Variants in FOXP1 observed in about 807,000 individuals in gnomAD.
The protein encoded by FOXP1 is forkhead box P1.
Under a neutral mutation model 98.2 loss-of-function variants are expected in FOXP1, and 15 were observed. That is an observed-to-expected ratio of 0.15 (90% CI 0.10 to 0.24). The LOEUF (loss-of-function observed/expected upper bound fraction) is 0.24. Ranked by LOEUF, FOXP1 falls within the 10% of genes least tolerant of loss-of-function variation. FOXP1 has a pLI of 1.00. For missense variants in FOXP1, 633 were observed against 848.5 expected (o/e 0.75, Z 3.15); for synonymous variants, 371 against 314.5 (o/e 1.18, Z -1.90).
At chr3:70,992,181 G>C (rs540219376) in intron 13 of FOXP1, among the ~76,000 whole-genome samples, 139 of 152,238 alleles carry the variant, frequency 9.1e-4, no homozygotes, top group African/African-American at 3.2e-3. Context: ...TTTTAAATAA[G>C]GACCCCAAGT....
In FOXP1 at chr3:71,342,720, G is replaced by A. The variant is rs558345542; in HGVS notation, c.-73+16430C>T. ...AAAAAGCAAACAGACCTTGATCCAA[G>A]TCTAAAATCTACCTCTTTCTTTTTT... On this transcript the variant is annotated intron_variant, in intron 4 of 20. Coordinates refer to ENST00000649528, the MANE Select transcript of FOXP1 (RefSeq NM_001349338.3). Among the ~76,000 whole-genome samples the A allele has an allele frequency of 2.7e-5, 4 of 149,780 alleles. No homozygotes were observed. In the South Asian group the frequency reaches 8.4e-4, roughly 31 times the overall value.
chr3:71,164,071 A>T (rs2061281945), intron 6 of FOXP1, among the ~76,000 whole-genome samples: 1 of 152,186 alleles, frequency 6.6e-6, no homozygotes, highest in East Asian at 1.9e-4. Flanking sequence ...ATCCCCAAAT[A>T]AAGAAACAGA....
intron 5 of FOXP1, 40 bp from the exon 6 acceptor site, chr3:71,198,432 G>GGGCC: frequency 1.0e-5 from 5 of 491,032 alleles, no homozygotes; most frequent in Middle Eastern, 5.0e-4. Flanking sequence ...GGGAGGGGGG[G>GGGCC]AGAAAAAAAA....
intron 3 of FOXP1, among the ~76,000 whole-genome samples, chr3:71,417,902 G>A (rs941250731): frequency 6.6e-6 from 1 of 151,742 alleles, no homozygotes; most frequent in Non-Finnish European, 1.5e-5. Context: ...AACTGGCAAT[G>A]CTGTTTAGAC....
At chr3:71,467,521 T>G (rs1032516749) in intron 3 of FOXP1, among the ~76,000 whole-genome samples, 2 of 152,200 alleles carry the variant, frequency 1.3e-5, no homozygotes, top group Non-Finnish European at 2.9e-5. Context: ...TCCTCCTTAC[T>G]ATTGTTCAAG....
At chr3:71,373,465 C>G (rs2079490183) in intron 3 of FOXP1, among the ~76,000 whole-genome samples, 1 of 152,036 alleles carries the variant, frequency 6.6e-6, no homozygotes, top group Admixed American at 6.6e-5. Context: ...TGTAAGGCAG[C>G]CAAAGCATTG....
intron 11 of FOXP1, among the ~76,000 whole-genome samples, chr3:71,024,096 C>T (rs576822748): frequency 9.9e-5 from 15 of 152,202 alleles, no homozygotes; most frequent in East Asian, 1.9e-4. Flanking sequence ...GAAAACAGAA[C>T]GACAGGTAAA....
intron 3 of FOXP1, among the ~76,000 whole-genome samples, chr3:71,459,764 T>A (rs1245404035): frequency 6.6e-6 from 1 of 152,194 alleles, no homozygotes. Flanking sequence ...CTATATATCA[T>A]GATTTCAGAA....
At chr3:71,521,118 G>A (rs371055585) in intron 2 of FOXP1, among the ~76,000 whole-genome samples, 9 of 152,298 alleles carry the variant, frequency 5.9e-5, no homozygotes, top group Admixed American at 2.0e-4. Flanking sequence ...GTGGTGTGGG[G>A]GAGGGGGTGT....
intron 3 of FOXP1, among the ~76,000 whole-genome samples, chr3:71,477,515 A>C (rs532992229): frequency 6.6e-6 from 1 of 152,244 alleles, no homozygotes; most frequent in Non-Finnish European, 1.5e-5. Flanking sequence ...AAAAATATAA[A>C]ATTTTTGATT....
chr3:71,298,257 G>A (rs957663172), intron 5 of FOXP1, among the ~76,000 whole-genome samples: 1 of 152,068 alleles, frequency 6.6e-6, no homozygotes, highest in Non-Finnish European at 1.5e-5. Flanking sequence ...ACGAGGTCAG[G>A]AGTTTGAGAC....
chr3:71,124,256 C>A (rs946073463), intron 6 of FOXP1, among the ~76,000 whole-genome samples: 1 of 151,504 alleles, frequency 6.6e-6, no homozygotes. Context: ...TTGACAGGCC[C>A]AACCTGAAAA....
intron 9 of FOXP1, among the ~76,000 whole-genome samples, chr3:71,050,449 A>G (rs1244855025): frequency 1.3e-5 from 2 of 152,248 alleles, no homozygotes; most frequent in Non-Finnish European, 2.9e-5. Context: ...GTCTTCAAAT[A>G]TAGAGTTAAA....
chr3:70,988,180 A>G (rs1196275129), intron 13 of FOXP1, 103 bp from the exon 14 acceptor site: 1 of 1,026,468 alleles, frequency 9.7e-7, no homozygotes, highest in East Asian at 2.4e-5. Context: ...ACCACAGCAC[A>G]TGATAAAATC....
chr3:71,144,561 G>T (rs145350192), intron 6 of FOXP1, among the ~76,000 whole-genome samples: 2 of 152,310 alleles, frequency 1.3e-5, no homozygotes, highest in Non-Finnish European at 2.9e-5. Context: ...AAGGCTGAGC[G>T]TGATTGTGCC....
rs2091207909 is a variant in FOXP1 at position 71,493,554 on chromosome 3, C to T, written c.-296G>A. ...GAATTGTCAACAAAAGCTTCTGGGA[C>T]ACTGCAACACAAAAATATTTTTTAC... On this transcript the variant is annotated splice_region_variant and 5_prime_UTR_variant, in exon 3 of 21. Transcript: ENST00000649528. 1 of 152,146 alleles carries T rather than the reference C, an allele frequency of 6.6e-6. No homozygotes were observed. Among genetic ancestry groups the T allele is most frequent in the Non-Finnish European group, 1.5e-5 (1 of 68,026 alleles). The allele number at this position is 152,146 out of a possible 1,614,324, so 9.4% of individuals were successfully genotyped here. A position where few individuals can be genotyped will look rare whatever the true frequency, so the allele number is the denominator to read the frequency against.
chr3:71,087,798 G>C (rs2055295722), intron 7 of FOXP1, among the ~76,000 whole-genome samples: 1 of 152,104 alleles, frequency 6.6e-6, no homozygotes. Context: ...GTCTAAGCAA[G>C]ATGACTATCA....
intron 5 of FOXP1, among the ~76,000 whole-genome samples, chr3:71,267,276 C>T (rs1302149551): frequency 6.6e-6 from 1 of 152,080 alleles, no homozygotes. Context: ...GCCCAGGTGT[C>T]TCTCCACTTT....
intron 3 of FOXP1, among the ~76,000 whole-genome samples, chr3:71,462,256 T>C (rs967054267): frequency 1.3e-5 from 2 of 152,192 alleles, no homozygotes; most frequent in Non-Finnish European, 2.9e-5. Context: ...ATGAAGTTAT[T>C]TACCATTTTG....
Sources: gnomAD v4.1 joint callset for allele counts (sites outside exome capture counted in the v4.1 genomes callset) on GRCh38, gnomAD v4.1.1 for gene constraint, MANE v1.5 for transcripts, NCBI Gene and HGNC (gene_info 2026-07-23, HGNC 2026-07-21) for gene names.